Variants in MIPOL1 observed in about 807,000 individuals in gnomAD.
MIPOL1 encodes the protein mirror-image polydactyly gene 1 protein.
MIPOL1 carries 57 observed loss-of-function variants against 60.9 expected under a neutral mutation model. The ratio of observed to expected loss-of-function variants is 0.94; its 90% CI spans 0.76 to 1.17. MIPOL1 has a LOEUF of 1.17. MIPOL1 is among the 50% of genes most tolerant of loss of function. The pLI, the probability that MIPOL1 is intolerant of heterozygous loss-of-function variation, is 0.00. For synonymous variants in MIPOL1, 179 were observed against 168.8 expected (o/e 1.06, Z -0.47); for missense variants, 551 against 511.6 (o/e 1.08, Z -0.74).
chr14:37,315,708 G>A (rs2087799335), intron 9 of MIPOL1, among the ~76,000 whole-genome samples: 1 of 152,128 alleles, frequency 6.6e-6, no homozygotes, highest in African/African-American at 2.4e-5. Context: ...GGAGGGGTAT[G>A]ACATTCTCTT....
chr14:37,393,883 G>GT (rs2093310733), intron 10 of MIPOL1, among the ~76,000 whole-genome samples: 3 of 148,636 alleles, frequency 2.0e-5, no homozygotes, highest in African/African-American at 7.4e-5. Flanking sequence ...AAAGTCCATT[G>GT]TATCATTCTT....
chr14:37,366,592 C>G (rs1322213010), intron 9 of MIPOL1, among the ~76,000 whole-genome samples: 1 of 151,900 alleles, frequency 6.6e-6, no homozygotes, highest in Non-Finnish European at 1.5e-5. Context: ...TGAGAATGAT[C>G]CTTGTGCTGA....
chr14:37,375,754 C>CTCTT (rs1276298738), intron 10 of MIPOL1, among the ~76,000 whole-genome samples: 8 of 151,542 alleles, frequency 5.3e-5, no homozygotes, highest in African/African-American at 1.9e-4. Flanking sequence ...CTCTACTCTT[C>CTCTT]TCTTTCTTTT....
At chr14:37,464,472 C>T (rs2153584058) in intron 11 of MIPOL1, among the ~76,000 whole-genome samples, 1 of 152,222 alleles carries the variant, frequency 6.6e-6, no homozygotes, top group East Asian at 1.9e-4. Flanking sequence ...AGAGAAATAA[C>T]TCAGAAACAG....
intron 9 of MIPOL1, among the ~76,000 whole-genome samples, chr14:37,340,096 T>C (rs2090456516): frequency 6.6e-6 from 1 of 152,194 alleles, no homozygotes; most frequent in Admixed American, 6.5e-5. Context: ...TCTTCTTTCC[T>C]CTGGTTTGTG....
intron 9 of MIPOL1, among the ~76,000 whole-genome samples, chr14:37,313,241 A>G (rs1234583697): frequency 6.6e-6 from 1 of 152,202 alleles, no homozygotes; most frequent in Non-Finnish European, 1.5e-5. Context: ...CACATCAATA[A>G]GCAACAGAAA....
chr14:37,439,610 G>A (rs1287459328), intron 11 of MIPOL1, among the ~76,000 whole-genome samples: 1 of 152,078 alleles, frequency 6.6e-6, no homozygotes, highest in Admixed American at 6.6e-5. Flanking sequence ...ACAGCCTACA[G>A]AATGAACTCT....
At chr14:37,418,457 C>T (rs1205732198) in intron 10 of MIPOL1, among the ~76,000 whole-genome samples, 3 of 152,030 alleles carry the variant, frequency 2.0e-5, no homozygotes, top group Non-Finnish European at 4.4e-5. Flanking sequence ...TTTTCAATCA[C>T]GTAAGGTATA....
chr14:37,422,177 TTGAAAAAAAC>T (rs2093884606), intron 10 of MIPOL1, among the ~76,000 whole-genome samples: 1 of 152,026 alleles, frequency 6.6e-6, no homozygotes, highest in African/African-American at 2.4e-5. Flanking sequence ...TTGAACCTCA[TTGAAAAAAAC>T]TGATTACCTG....
chr14:37,369,432 T>A, intron 9 of MIPOL1, 85 bp from the exon 10 acceptor site: 2 of 842,206 alleles, frequency 2.4e-6, no homozygotes, highest in South Asian at 1.8e-5. Flanking sequence ...GAGAATACAA[T>A]GATATTATTT....
intron 9 of MIPOL1, among the ~76,000 whole-genome samples, chr14:37,342,046 G>T (rs1345477157): frequency 6.6e-6 from 1 of 152,108 alleles, no homozygotes; most frequent in African/African-American, 2.4e-5. Flanking sequence ...TTCTCACCAA[G>T]AGTTGATTGA....
chr14:37,276,686 G>C (rs2083686371), intron 6 of MIPOL1: 2 of 151,120 alleles, frequency 1.3e-5, no homozygotes, highest in East Asian at 3.9e-4. Context: ...ATTTTTCTGT[G>C]TATATAATGG....
chr14:37,424,769 C>G (rs892235350), intron 11 of MIPOL1, among the ~76,000 whole-genome samples: 12 of 152,090 alleles, frequency 7.9e-5, no homozygotes, highest in Admixed American at 3.3e-4. Context: ...ATCCTACCAA[C>G]CTACTTTATT....
intron 12 of MIPOL1, among the ~76,000 whole-genome samples, chr14:37,530,633 G>T (rs149507451): frequency 6.6e-6 from 1 of 152,210 alleles, no homozygotes; most frequent in Non-Finnish European, 1.5e-5. Flanking sequence ...TCAAAGATAG[G>T]CCAGATGTCA....
chr14:37,198,726 C>A (rs1248631897), intron 1 of MIPOL1, among the ~76,000 whole-genome samples: 1 of 152,112 alleles, frequency 6.6e-6, no homozygotes, highest in East Asian at 1.9e-4. Context: ...CAAACACACG[C>A]GTTTGGAAAA....
At chr14:37,371,375 A>G (rs1423171645) in intron 10 of MIPOL1, among the ~76,000 whole-genome samples, 1 of 152,124 alleles carries the variant, frequency 6.6e-6, no homozygotes, top group African/African-American at 2.4e-5. Flanking sequence ...CCCTCATAAG[A>G]TAGAAATTTC....
At chr14:37,385,472 A>G (rs2093039516) in intron 10 of MIPOL1, 1 of 152,256 alleles carries the variant, frequency 6.6e-6, no homozygotes, top group African/African-American at 2.4e-5. Context: ...CTAGTTTTAA[A>G]ACACCTGTGT....
chr14:37,482,473 G>A (rs981017793), intron 11 of MIPOL1, among the ~76,000 whole-genome samples: 1 of 152,134 alleles, frequency 6.6e-6, no homozygotes. Context: ...AGGTTTAATT[G>A]ACTCACAGTT....
intron 12 of MIPOL1, chr14:37,505,077 C>G (rs1428907428): frequency 6.6e-6 from 1 of 152,162 alleles, no homozygotes; most frequent in Non-Finnish European, 1.5e-5. Context: ...TCTAAATAGA[C>G]CAATAACAGG....
Sources: gnomAD v4.1 joint callset for allele counts (sites outside exome capture counted in the v4.1 genomes callset) on GRCh38, gnomAD v4.1.1 for gene constraint, MANE v1.5 for transcripts, NCBI Gene and HGNC (gene_info 2026-07-23, HGNC 2026-07-21) for gene names.